The following ETV6 variants were observed in gnomAD, a reference collection of about 807,000 sequenced individuals.
ETV6 encodes transcription factor ETV6.
A neutral mutation model predicts 51.1 loss-of-function variants in ETV6; 16 were observed. The observed-to-expected ratio is 0.31, with a 90% confidence interval of 0.21 to 0.48. The LOEUF (loss-of-function observed/expected upper bound fraction) is 0.48, where lower values mean the gene tolerates loss of function less well. Ranked by LOEUF, ETV6 falls within the 20% of genes least tolerant of loss-of-function variation. The probability of loss-of-function intolerance (pLI) is 0.99; values close to 1 mark genes in which losing one functional copy is unlikely to be tolerated. For missense variants in ETV6, 458 were observed against 594.8 expected, an observed-to-expected ratio of 0.77 and a Z score of 2.39; for synonymous variants, 240 against 224.1, an observed-to-expected ratio of 1.07 and a Z score of -0.64.
chr12:11,724,035 C>A (rs116528699), intron 1 of ETV6, among the ~76,000 whole-genome samples: 1 of 152,038 alleles, frequency 6.6e-6, no homozygotes, highest in African/African-American at 2.4e-5. Flanking sequence ...CTCCCCCACC[C>A]CTGACCTGAG....
chr12:11,792,823 A>T (rs929060159), intron 2 of ETV6, among the ~76,000 whole-genome samples: 1 of 152,244 alleles, frequency 6.6e-6, no homozygotes, highest in East Asian at 1.9e-4. Flanking sequence ...GGAAATAAAA[A>T]GCATTAAGTT....
intron 2 of ETV6, among the ~76,000 whole-genome samples, chr12:11,772,145 G>A (rs533663142): frequency 1.3e-5 from 2 of 152,306 alleles, no homozygotes; most frequent in South Asian, 4.1e-4. Context: ...TAGAAGGTGT[G>A]ATTCATCTCT....
intron 2 of ETV6, among the ~76,000 whole-genome samples, chr12:11,781,242 C>T (rs1945409528): frequency 6.6e-6 from 1 of 152,208 alleles, no homozygotes; most frequent in South Asian, 2.1e-4. Context: ...AACTTGTCAT[C>T]CACGTCACGA....
intron 1 of ETV6, among the ~76,000 whole-genome samples, chr12:11,726,468 T>C (rs1413182700): frequency 6.6e-6 from 1 of 152,164 alleles, no homozygotes; most frequent in African/African-American, 2.4e-5. Flanking sequence ...GGAGACACTA[T>C]AAATACACAA....
At chr12:11,846,127 T>C (rs1331185279) in intron 3 of ETV6, among the ~76,000 whole-genome samples, 1 of 152,024 alleles carries the variant, frequency 6.6e-6, no homozygotes, top group Non-Finnish European at 1.5e-5. Context: ...GACCGAAGCT[T>C]AGGGCTTCAT....
chr12:11,765,959 T>C (rs919358355), intron 2 of ETV6, among the ~76,000 whole-genome samples: 1 of 152,154 alleles, frequency 6.6e-6, no homozygotes, highest in African/African-American at 2.4e-5. Context: ...GCAGGTATGC[T>C]TATTTCTTCA....
intron 1 of ETV6, among the ~76,000 whole-genome samples, chr12:11,680,163 G>T (rs929266631): frequency 3.9e-5 from 6 of 152,158 alleles, no homozygotes; most frequent in African/African-American, 7.2e-5. Context: ...AGAGTAATTT[G>T]GTCAGCTATC....
chr12:11,789,900 C>G (rs904421210), intron 2 of ETV6, among the ~76,000 whole-genome samples: 1 of 152,114 alleles, frequency 6.6e-6, no homozygotes, highest in African/African-American at 2.4e-5. Context: ...GTGCCTTAGT[C>G]TGGGTCTGTG....
At chr12:11,728,163 G>A (rs1022980045) in intron 1 of ETV6, among the ~76,000 whole-genome samples, 5 of 152,150 alleles carry the variant, frequency 3.3e-5, no homozygotes, top group African/African-American at 1.2e-4. Flanking sequence ...CAGTTCATGG[G>A]CCTTATGTAA....
intron 2 of ETV6, among the ~76,000 whole-genome samples, chr12:11,779,826 CCTT>C (rs1414117964): frequency 2.6e-5 from 4 of 152,170 alleles, no homozygotes; most frequent in South Asian, 2.1e-4. Context: ...TGATGAGAAT[CCTT>C]CTTTACAGAG....
At chr12:11,726,863 C>A (rs1003042666) in intron 1 of ETV6, among the ~76,000 whole-genome samples, 19 of 152,222 alleles carry the variant, frequency 1.2e-4, no homozygotes, top group Admixed American at 1.2e-3. Flanking sequence ...GCCACTGTCA[C>A]ACTGCAGTGT....
chr12:11,878,758 C>T (rs908857476), intron 5 of ETV6, among the ~76,000 whole-genome samples: 1 of 150,384 alleles, frequency 6.6e-6, no homozygotes, highest in Non-Finnish European at 1.5e-5. Context: ...CAACACACAC[C>T]TGGCTGCACT....
intron 1 of ETV6, among the ~76,000 whole-genome samples, chr12:11,685,248 A>G (rs1054288582): frequency 6.6e-6 from 1 of 151,726 alleles, no homozygotes; most frequent in African/African-American, 2.4e-5. Context: ...TCCGGAGTAC[A>G]CCAATATTGA....
chr12:11,806,400 T>C (rs1945830339), intron 2 of ETV6, among the ~76,000 whole-genome samples: 2 of 152,212 alleles, frequency 1.3e-5, no homozygotes, highest in Admixed American at 1.3e-4. Flanking sequence ...CATTTGATAG[T>C]GTTCTAGCTA....
intron 2 of ETV6, among the ~76,000 whole-genome samples, chr12:11,798,786 G>A (rs1386934272): frequency 2.0e-5 from 3 of 152,176 alleles, no homozygotes; most frequent in Non-Finnish European, 4.4e-5. Context: ...AGCTGTGTGA[G>A]TGGTATTTAC....
At chr12:11,819,083 A>C (rs1946038003) in intron 2 of ETV6, among the ~76,000 whole-genome samples, 1 of 152,162 alleles carries the variant, frequency 6.6e-6, no homozygotes, top group Non-Finnish European at 1.5e-5. Context: ...TCTTCAAAGA[A>C]GCCCACTTGG....
intron 2 of ETV6, among the ~76,000 whole-genome samples, chr12:11,819,172 C>T (rs1200523214): frequency 1.3e-5 from 2 of 152,168 alleles, no homozygotes; most frequent in Non-Finnish European, 2.9e-5. Flanking sequence ...ATGGTGTCCT[C>T]CTCCTCACCT....
At chr12:11,767,319 A>G (rs376721762) in intron 2 of ETV6, among the ~76,000 whole-genome samples, 4 of 152,356 alleles carry the variant, frequency 2.6e-5, no homozygotes, top group African/African-American at 7.2e-5. Context: ...GTGAATTCCT[A>G]TAAGCCTTCA....
chr12:11,874,863 A>G (rs1024985892), intron 5 of ETV6, among the ~76,000 whole-genome samples: 13 of 141,990 alleles, frequency 9.2e-5, no homozygotes, highest in African/African-American at 3.4e-4. Context: ...ACATGGACAC[A>G]GGAAGGGGAA....
Sources: allele counts gnomAD v4.1 joint callset (sites outside exome capture counted in the v4.1 genomes callset), GRCh38; gene constraint gnomAD v4.1.1; transcripts MANE v1.5; gene names NCBI Gene and HGNC (gene_info 2026-07-23, HGNC 2026-07-21).